The following TUFT1 variants were observed in gnomAD, a reference collection of about 807,000 sequenced individuals.
The protein encoded by TUFT1 is tuftelin.
Under a neutral mutation model 57.8 loss-of-function variants are expected in TUFT1, and 43 were observed. The ratio of observed to expected loss-of-function variants is 0.74; its 90% confidence interval spans 0.58 to 0.96. The LOEUF (loss-of-function observed/expected upper bound fraction) is 0.96, where lower values mean the gene tolerates loss of function less well. TUFT1 is among the 40% of genes least tolerant of loss of function. TUFT1 has a pLI of 0.00. For missense variants in TUFT1, 459 were observed against 489.0 expected, an observed-to-expected ratio of 0.94 and a Z score of 0.58; for synonymous variants, 166 against 176.7, an observed-to-expected ratio of 0.94 and a Z score of 0.48.
At position 151,540,445 on chromosome 1, in the gene TUFT1, G is replaced by T. The variant is rs778554958; in HGVS notation, c.60+19G>T. ...GGCGGCGGTAAGAAAAAGCGCTCTC[G>T]CTGTCTTCTCCGTTTTGTATTCCCG... On this transcript the variant is annotated intron_variant, in intron 1 of 12. Transcript: ENST00000368849. 71 of 1,613,862 alleles carry T rather than the reference G, an allele frequency of 4.4e-5. No individual in the cohort carries two copies. The South Asian group carries it at 7.4e-4, about 17-fold the overall frequency.
At chr1:151,544,697 TAAAGTATC>T in intron 1 of TUFT1, among the ~76,000 whole-genome samples, 1 of 152,322 alleles carries the variant, frequency 6.6e-6, no homozygotes, top group East Asian at 1.9e-4. Flanking sequence ...TGCATGATTT[TAAAGTATC>T]AAAGTATCAA....
intron 3 of TUFT1, among the ~76,000 whole-genome samples, chr1:151,563,288 G>T (rs1426444668): frequency 6.6e-6 from 1 of 151,768 alleles, no homozygotes; most frequent in African/African-American, 2.4e-5. Flanking sequence ...CCACATGATT[G>T]ACTCAGTTAC....
chr1:151,552,292 G>A (rs1245023224), intron 1 of TUFT1, among the ~76,000 whole-genome samples: 1 of 152,180 alleles, frequency 6.6e-6, no homozygotes, highest in African/African-American at 2.4e-5. Flanking sequence ...TTTGAAAAAT[G>A]CTACTGTGAA....
chr1:151,566,796 T>C (rs1483651713), intron 6 of TUFT1, among the ~76,000 whole-genome samples: 1 of 152,236 alleles, frequency 6.6e-6, no homozygotes, highest in Non-Finnish European at 1.5e-5. Context: ...TGCTTGCTTT[T>C]TTTTTCTTAA....
intron 1 of TUFT1, among the ~76,000 whole-genome samples, chr1:151,560,015 C>G (rs892173352): frequency 4.0e-5 from 6 of 150,192 alleles, no homozygotes; most frequent in Non-Finnish European, 8.9e-5. Context: ...AGGCTGGTCT[C>G]GAACTCCTGA....
intron 1 of TUFT1, chr1:151,540,691 G>C: frequency 2.0e-6 from 1 of 494,222 alleles, no homozygotes. Flanking sequence ...CTCGGCGCCG[G>C]CGAGCCCGTG....
chr1:151,578,160 G>C (rs542568735), intron 9 of TUFT1, among the ~76,000 whole-genome samples: 11 of 152,266 alleles, frequency 7.2e-5, no homozygotes, highest in African/African-American at 2.4e-4. Flanking sequence ...TCTTTCCTGT[G>C]TTAATATAAA....
chr1:151,566,638 G>A (rs1666092827), intron 6 of TUFT1, among the ~76,000 whole-genome samples: 1 of 152,050 alleles, frequency 6.6e-6, no homozygotes, highest in African/African-American at 2.4e-5. Context: ...TTGAGTGCCA[G>A]TATTCTAGAA....
chr1:151,550,510 A>C (rs1665475614), intron 1 of TUFT1, among the ~76,000 whole-genome samples: 1 of 149,130 alleles, frequency 6.7e-6, no homozygotes. Context: ...AGGCCCAGCT[A>C]ATTTTTATAT....
chr1:151,580,536 A>T (rs1666614413), intron 11 of TUFT1, among the ~76,000 whole-genome samples: 1 of 151,844 alleles, frequency 6.6e-6, no homozygotes, highest in Non-Finnish European at 1.5e-5. Flanking sequence ...GGTGGCATGC[A>T]TCTGTAGTCC....
At chr1:151,546,275 C>G (rs981466402) in intron 1 of TUFT1, among the ~76,000 whole-genome samples, 1 of 152,064 alleles carries the variant, frequency 6.6e-6, no homozygotes. Flanking sequence ...AGTTTAATGC[C>G]AAGTCTTTCC....
intron 1 of TUFT1, among the ~76,000 whole-genome samples, chr1:151,547,914 C>T (rs1296432909): frequency 6.6e-6 from 1 of 152,210 alleles, no homozygotes; most frequent in Non-Finnish European, 1.5e-5. Flanking sequence ...ACCTCAAATC[C>T]TTTTTCTCAT....
intron 1 of TUFT1, among the ~76,000 whole-genome samples, chr1:151,541,330 C>T (rs995142947): frequency 6.6e-6 from 1 of 152,186 alleles, no homozygotes; most frequent in Admixed American, 6.5e-5. Context: ...CCAGTTCTCC[C>T]CACCCTAGCT....
intron 1 of TUFT1, among the ~76,000 whole-genome samples, chr1:151,551,619 G>A (rs1216186000): frequency 2.0e-5 from 3 of 152,090 alleles, no homozygotes; most frequent in South Asian, 2.1e-4. Context: ...AGCAACATGC[G>A]CACCTCTGGG....
chr1:151,582,004 T>C lies in TUFT1; in HGVS notation c.*297T>C, dbSNP rs780053244. The C allele has an allele frequency of 7.0e-6, 4 of 569,404 alleles. No homozygotes were observed. Among genetic ancestry groups the C allele is most frequent in the African/African-American group, 1.9e-5 (1 of 53,902 alleles). 35.3% of individuals were successfully genotyped at this position (569,404 alleles called of 1,614,324 possible). ...TTTTCTCTGTAGAGAGCCTCCCTTCTGTTGTAGACTGGACTCTGGCTGTGC... is the reference window on the plus strand; with the variant it reads ...TTTTCTCTGTAGAGAGCCTCCCTTCCGTTGTAGACTGGACTCTGGCTGTGC... On this transcript the variant is annotated 3_prime_UTR_variant, in exon 13 of 13. Transcript: ENST00000368849.
intron 1 of TUFT1, chr1:151,561,630 T>C (rs1056441746): frequency 8.4e-7 from 1 of 1,187,160 alleles, no homozygotes. Context: ...AAATGGGAGT[T>C]TGAATTCAGG....
At chr1:151,540,751 A>T in intron 1 of TUFT1, 2 of 316,964 alleles carry the variant, frequency 6.3e-6, no homozygotes, top group Non-Finnish European at 1.2e-5. Context: ...TTGGGTCATA[A>T]GAGAATGAGC....
At chr1:151,565,811 A>G (rs1425242508) in intron 5 of TUFT1, 1 of 183,226 alleles carries the variant, frequency 5.5e-6, no homozygotes, top group African/African-American at 2.4e-5. Flanking sequence ...GGCTACACAT[A>G]CTTTTCCATC....
chr1:151,540,653 G>A, intron 1 of TUFT1: 1 of 562,602 alleles, frequency 1.8e-6, no homozygotes, highest in Non-Finnish European at 3.2e-6. Flanking sequence ...CCTGCCCTTT[G>A]GTAGGACACT....
Sources: gnomAD v4.1 joint callset for allele counts (sites outside exome capture counted in the v4.1 genomes callset) on GRCh38, gnomAD v4.1.1 for gene constraint, MANE v1.5 for transcripts, NCBI Gene and HGNC (gene_info 2026-07-23, HGNC 2026-07-21) for gene names.